IQGAP2: variants seen among roughly 807,000 people sequenced by gnomAD.
IQGAP2 encodes IQ motif containing GTPase activating protein 2, also known as ras GTPase-activating-like protein IQGAP2.
In IQGAP2, 173 loss-of-function variants were observed where a neutral mutation model predicts 201.3. The ratio of observed to expected loss-of-function variants is 0.86; its 90% confidence interval spans 0.76 to 0.98. IQGAP2 has a LOEUF of 0.98. IQGAP2 is among the 50% of genes least tolerant of loss of function. The pLI, the probability that IQGAP2 is intolerant of heterozygous loss-of-function variation, is 0.00. For missense variants in IQGAP2, 1,687 were observed against 1,864.8 expected, an observed-to-expected ratio of 0.90 and a Z score of 1.76; for synonymous variants, 675 against 673.9, an observed-to-expected ratio of 1.00 and a Z score of -0.03.
At chr5:76,642,749 C>T (rs1390750972) in intron 17 of IQGAP2, among the ~76,000 whole-genome samples, 2 of 152,222 alleles carry the variant, frequency 1.3e-5, no homozygotes, top group Non-Finnish European at 2.9e-5. Flanking sequence ...AGTCTTAACA[C>T]ATTTGGAGAG....
Position 76,597,552 on chromosome 5 carries a change from G to A in IQGAP2, c.1021G>A (p.Ala341Thr). Residue 341 changes from alanine to threonine, a missense_variant, in exon 10 of 36, where the codon GCT (alanine) becomes ACT (threonine). Physicochemically the swap from Ala to Thr is moderately conservative, Grantham distance 58. Coordinates refer to ENST00000274364, the MANE Select transcript of IQGAP2 (RefSeq NM_006633.5). ...GCTGCCTGCTGTTTATCCCTTTGCT[G>A]CTGCCATGTATCAGAACGAACTTTT... is the stretch of plus-strand genomic sequence containing the variant. The part of the protein sequence containing the change: ...AQLPAVYPFA[A>T]AMYQNELFNL... The A allele has an allele frequency of 6.2e-7, 1 of 1,613,924 alleles. No individual in the cohort carries two copies. Among genetic ancestry groups the A allele is most frequent in the Non-Finnish European group, 8.5e-7 (1 of 1,179,940 alleles).
At chr5:76,559,162 A>G (rs959088825) in intron 2 of IQGAP2, among the ~76,000 whole-genome samples, 1 of 151,984 alleles carries the variant, frequency 6.6e-6, no homozygotes, top group Middle Eastern at 3.2e-3. Context: ...CAGCCTCCCA[A>G]AGTGATGGGA....
At chr5:76,404,507 G>C (rs1235994420) in intron 1 of IQGAP2, 6 of 985,250 alleles carry the variant, frequency 6.1e-6, no homozygotes, top group Non-Finnish European at 7.2e-6. Flanking sequence ...GTTAATCTTT[G>C]CCCAGGCTGG....
intron 1 of IQGAP2, among the ~76,000 whole-genome samples, chr5:76,413,039 C>G (rs1205738175): frequency 1.4e-5 from 2 of 142,810 alleles, no homozygotes; most frequent in Non-Finnish European, 2.9e-5. Context: ...CTGTATCCTT[C>G]TTTACCTGTA....
At chr5:76,589,085 G>A (rs529020561) in intron 6 of IQGAP2, 112 bp downstream of exon 6, 25 of 556,050 alleles carry the variant, frequency 4.5e-5, no homozygotes, top group South Asian at 3.3e-4. Context: ...AGGCCGAGGC[G>A]GGCGGATCAC....
At chr5:76,703,292 A>G (rs955161496) in intron 35 of IQGAP2, among the ~76,000 whole-genome samples, 2 of 152,116 alleles carry the variant, frequency 1.3e-5, no homozygotes, top group Non-Finnish European at 2.9e-5. Flanking sequence ...AGTAACTGGT[A>G]CTACAGGCAC....
At chr5:76,503,970 A>G (rs1226638521) in intron 2 of IQGAP2, among the ~76,000 whole-genome samples, 1 of 152,194 alleles carries the variant, frequency 6.6e-6, no homozygotes, top group East Asian at 1.9e-4. Flanking sequence ...GGTGCTGTTT[A>G]GCAGTATCTA....
At chr5:76,689,785 T>C (rs975115821) in intron 30 of IQGAP2, among the ~76,000 whole-genome samples, 1 of 152,332 alleles carries the variant, frequency 6.6e-6, no homozygotes, top group Middle Eastern at 3.4e-3. Context: ...GGATGTTAAA[T>C]ACTGAAAATA....
intron 16 of IQGAP2, among the ~76,000 whole-genome samples, chr5:76,637,644 C>A (rs1356620316): frequency 6.6e-6 from 1 of 152,204 alleles, no homozygotes; most frequent in African/African-American, 2.4e-5. Context: ...TCCAGGACAG[C>A]TTCGGAAGCA....
chr5:76,668,681 A>C lies in IQGAP2; in HGVS notation c.2680A>C (p.Thr894Pro). ...TTTCTTTTTCCTTCTTTCCTTCTAG[A>C]CCAACCCTTTATACTTGGCTAAGCT... Reference protein sequence around the residue: ...TYQQLFYLLQTNPLYLAKLIF... With the variant: ...TYQQLFYLLQPNPLYLAKLIF... Residue 894 changes from threonine to proline, a missense_variant and splice_region_variant, in exon 23 of 36, where the codon ACC becomes CCC. Thr to Pro is a conservative substitution (Grantham distance 38, BLOSUM62 -1). Coordinates refer to ENST00000274364, the MANE Select transcript of IQGAP2 (RefSeq NM_006633.5). 1 of 1,606,162 alleles carries C rather than the reference A, an allele frequency of 6.2e-7. No individual in the cohort carries two copies. Among genetic ancestry groups the C allele is most frequent in the Non-Finnish European group, 8.5e-7 (1 of 1,177,636 alleles).
intron 23 of IQGAP2, among the ~76,000 whole-genome samples, chr5:76,669,497 G>A (rs537845447): frequency 6.6e-6 from 1 of 152,088 alleles, no homozygotes; most frequent in Non-Finnish European, 1.5e-5. Context: ...TGAAGGACGC[G>A]TCTAAATGAA....
intron 9 of IQGAP2, among the ~76,000 whole-genome samples, chr5:76,594,473 G>C (rs1223478133): frequency 6.6e-6 from 1 of 152,000 alleles, no homozygotes; most frequent in Admixed American, 6.6e-5. Flanking sequence ...AAAGGCATTG[G>C]ATGTTTTGCA....
chr5:76,588,013 G>A (rs1746371213), intron 5 of IQGAP2, among the ~76,000 whole-genome samples: 1 of 150,150 alleles, frequency 6.7e-6, no homozygotes, highest in Non-Finnish European at 1.5e-5. Flanking sequence ...TACATTAAAT[G>A]ACTAATCATA....
intron 13 of IQGAP2, among the ~76,000 whole-genome samples, chr5:76,622,262 T>C (rs1561522270): frequency 6.6e-6 from 1 of 152,186 alleles, no homozygotes; most frequent in Admixed American, 6.5e-5. Context: ...TCTCAACATA[T>C]TGGCCCATCT....
At chr5:76,617,478 AT>A in intron 13 of IQGAP2, 1 of 824,200 alleles carries the variant, frequency 1.2e-6, no homozygotes, top group Non-Finnish European at 1.9e-6. Flanking sequence ...TTTGAAGCAT[AT>A]TTCTTAGGAG....
At chr5:76,528,996 C>A (rs1457346207) in intron 2 of IQGAP2, among the ~76,000 whole-genome samples, 12 of 152,090 alleles carry the variant, frequency 7.9e-5, no homozygotes, top group African/African-American at 2.9e-4. Flanking sequence ...ACAGTTTTAC[C>A]CAAGTTGTAA....
At chr5:76,433,234 G>A (rs2150093941) in intron 1 of IQGAP2, among the ~76,000 whole-genome samples, 1 of 152,178 alleles carries the variant, frequency 6.6e-6, no homozygotes, top group African/African-American at 2.4e-5. Context: ...TTGCTTTTAG[G>A]GTCTTAGTCA....
chr5:76,652,881 C>T, intron 18 of IQGAP2, 48 bp downstream of exon 18: 1 of 1,203,006 alleles, frequency 8.3e-7, no homozygotes, highest in East Asian at 2.3e-5. Context: ...AAACGTTTCC[C>T]CTCATTTCAT....
intron 1 of IQGAP2, among the ~76,000 whole-genome samples, chr5:76,453,423 T>C (rs1753889463): frequency 6.6e-6 from 1 of 152,224 alleles, no homozygotes; most frequent in South Asian, 2.1e-4. Flanking sequence ...ATTGTTTTAT[T>C]TTCTTGCATG....
Sources: allele counts gnomAD v4.1 joint callset (sites outside exome capture counted in the v4.1 genomes callset), GRCh38; gene constraint gnomAD v4.1.1; transcripts MANE v1.5; gene names NCBI Gene and HGNC (gene_info 2026-07-23, HGNC 2026-07-21).